The following TNRC6B variants were observed in gnomAD, a reference collection of about 807,000 sequenced individuals.
The protein encoded by TNRC6B is trinucleotide repeat-containing gene 6B protein.
Under a neutral mutation model 203.6 loss-of-function variants are expected in TNRC6B, and 52 were observed. That is an observed-to-expected ratio of 0.26 (90% confidence interval 0.20 to 0.32). The LOEUF is 0.32. TNRC6B is among the 10% of genes least tolerant of loss of function. The probability of loss-of-function intolerance (pLI) is 1.00; values close to 1 mark genes in which losing one functional copy is unlikely to be tolerated. For missense variants in TNRC6B, 1,923 were observed against 2,286.2 expected (o/e 0.84, Z 3.24); for synonymous variants, 838 against 845.7 (o/e 0.99, Z 0.16).
chr22:40,107,761 A>C (rs2068299186), intron 1 of TNRC6B, among the ~76,000 whole-genome samples: 1 of 152,126 alleles, frequency 6.6e-6, no homozygotes. Flanking sequence ...CTTTGATAAT[A>C]AAATGGCTTT....
chr22:40,126,433 G>A (rs1260332475), intron 3 of TNRC6B, among the ~76,000 whole-genome samples: 3 of 151,846 alleles, frequency 2.0e-5, no homozygotes, highest in African/African-American at 7.3e-5. Flanking sequence ...AGTGTCCACC[G>A]TTTCCATCTT....
chr22:40,227,742 C>T (rs2069811351), intron 1 of TNRC6B, among the ~76,000 whole-genome samples: 1 of 152,056 alleles, frequency 6.6e-6, no homozygotes, highest in South Asian at 2.1e-4. Flanking sequence ...ATTATTTATT[C>T]TTTCAATAGA....
At position 40,125,857 on chromosome 22, in the gene TNRC6B, T is replaced by A. The variant is rs779181817; in HGVS notation, c.40T>A (p.Ser14Thr). The A allele has an allele frequency of 1.9e-6, 3 of 1,612,062 alleles. No individual in the cohort carries two copies. In the African/African-American group the frequency reaches 4.0e-5, roughly 22 times the overall value. Residue 14 changes from serine (S) to threonine (T), a missense_variant, in exon 3 of 24, where the codon TCC becomes ACC. Physicochemically the swap from Ser to Thr is moderately conservative, Grantham distance 58. Coordinates refer to the TNRC6B transcript ENST00000301923. ...GGGAGAAGTATCGGAAGAAAGCAGT[T>A]CCAAGGTCAGTAAATTACTGAAAGG...
intron 1 of TNRC6B, among the ~76,000 whole-genome samples, chr22:40,199,211 T>G (rs2069378456): frequency 1.3e-5 from 2 of 152,162 alleles, no homozygotes; most frequent in African/African-American, 4.8e-5. Flanking sequence ...TCACCTACTT[T>G]GTAAGAAAAC....
intron 4 of TNRC6B, 101 bp from the exon 5 acceptor site, chr22:40,264,587 C>A: frequency 3.9e-6 from 5 of 1,276,118 alleles, no homozygotes; most frequent in Non-Finnish European, 4.2e-6. Flanking sequence ...GGCATGTGAT[C>A]AGCTCTCCTA....
At chr22:40,231,946 C>A (rs1435220149) in intron 1 of TNRC6B, among the ~76,000 whole-genome samples, 2 of 152,188 alleles carry the variant, frequency 1.3e-5, no homozygotes, top group African/African-American at 4.8e-5. Context: ...AAGGGTACCT[C>A]TCCTTGGTGG....
chr22:40,173,216 G>A (rs1219444690), upstream of TNRC6B, among the ~76,000 whole-genome samples: 1 of 151,792 alleles, frequency 6.6e-6, no homozygotes, highest in Non-Finnish European at 1.5e-5. Flanking sequence ...CCTGCCTCAG[G>A]TTCCCGAGTA....
At chr22:40,150,342 C>T (rs2068739421) in intron 3 of TNRC6B, among the ~76,000 whole-genome samples, 1 of 152,130 alleles carries the variant, frequency 6.6e-6, no homozygotes, top group Non-Finnish European at 1.5e-5. Context: ...CGTGCCACTG[C>T]ACCCCAGCCT....
chr22:40,155,371 C>T (rs1257853557), intron 3 of TNRC6B, among the ~76,000 whole-genome samples: 1 of 152,152 alleles, frequency 6.6e-6, no homozygotes, highest in Admixed American at 6.6e-5. Flanking sequence ...TCACTGCCAC[C>T]TCTGCCTCCC....
chr22:40,174,346 A>G (rs1490010001), upstream of TNRC6B, among the ~76,000 whole-genome samples: 1 of 151,562 alleles, frequency 6.6e-6, no homozygotes, highest in Non-Finnish European at 1.5e-5. Context: ...TGCCCAGCTA[A>G]TTTTTGTTAT....
intron 1 of TNRC6B, among the ~76,000 whole-genome samples, chr22:40,194,961 A>C (rs955009853): frequency 6.6e-6 from 1 of 152,186 alleles, no homozygotes; most frequent in African/African-American, 2.4e-5. Context: ...TTGTAAACCC[A>C]GGGGAGACCT....
intron 15 of TNRC6B, among the ~76,000 whole-genome samples, chr22:40,303,839 C>G (rs1298587941): frequency 6.6e-6 from 1 of 152,096 alleles, no homozygotes; most frequent in Admixed American, 6.6e-5. Context: ...TGAACCCAGG[C>G]GGCAGAGGTT....
At chr22:40,073,522 A>T (rs2067974243) in intron 1 of TNRC6B, among the ~76,000 whole-genome samples, 1 of 152,132 alleles carries the variant, frequency 6.6e-6, no homozygotes, top group East Asian at 1.9e-4. Flanking sequence ...GAACTATGAC[A>T]TTACAAAGAG....
chr22:40,173,882 C>T (rs553433565), upstream of TNRC6B, among the ~76,000 whole-genome samples: 1 of 139,248 alleles, frequency 7.2e-6, no homozygotes, highest in Non-Finnish European at 1.5e-5. Flanking sequence ...TAGCTCACTG[C>T]AACCACCATC....
At chr22:40,137,198 T>C (rs1376306366) in intron 3 of TNRC6B, among the ~76,000 whole-genome samples, 1 of 152,256 alleles carries the variant, frequency 6.6e-6, no homozygotes, top group East Asian at 1.9e-4. Flanking sequence ...AGGATATCTC[T>C]ACCTTAGGCT....
In TNRC6B at chr22:40,264,877, C is replaced by T. The variant is rs762162112; in HGVS notation, c.647C>T (p.Thr216Ile). 11 of 1,613,958 alleles carry T rather than the reference C, an allele frequency of 6.8e-6. No individual in the cohort carries two copies. In the East Asian group the frequency reaches 2.2e-4, roughly 33 times the overall value. Residue 216 changes from threonine (T) to isoleucine (I), a missense_variant, in exon 5 of 23, where the codon ACC (threonine) becomes ATC (isoleucine). Thr to Ile is a moderately conservative substitution (Grantham distance 89). This residue lies in a region of TNRC6B where 614 missense variants were observed against 587.7 expected (regional missense o/e 1.04). Coordinates refer to ENST00000454349, the MANE Select transcript of TNRC6B (RefSeq NM_001162501.2). The stretch of plus-strand genomic sequence containing the variant: ...ACTGAATCTTCTTCCGAAAACACCA[C>T]CGATAACAACAGTGCCTCGAACCCT... ...KDTESSSENT[T>I]DNNSASNPGS...
chr22:40,061,219 A>T (rs2067847886), intron 1 of TNRC6B, among the ~76,000 whole-genome samples: 1 of 151,954 alleles, frequency 6.6e-6, no homozygotes, highest in African/African-American at 2.4e-5. Context: ...TGTTGGATTT[A>T]TTATTATTAT....
intron 17 of TNRC6B, among the ~76,000 whole-genome samples, chr22:40,311,360 C>A (rs983474943): frequency 6.6e-5 from 10 of 152,102 alleles, no homozygotes; most frequent in African/African-American, 1.9e-4. Context: ...TTTGTTAATT[C>A]TTTTCTTTCT....
intron 4 of TNRC6B, among the ~76,000 whole-genome samples, chr22:40,160,734 T>C (rs1324113130): frequency 6.6e-6 from 1 of 151,950 alleles, no homozygotes; most frequent in Admixed American, 6.6e-5. Context: ...AGATACTTTT[T>C]TTTGCTTTGA....
Sources: allele counts gnomAD v4.1 joint callset (sites outside exome capture counted in the v4.1 genomes callset), GRCh38; gene constraint gnomAD v4.1.1; regional missense constraint gnomAD v4.1.1; transcripts MANE v1.5; gene names NCBI Gene and HGNC (gene_info 2026-07-23, HGNC 2026-07-21).